Variants in RBFOX1 observed in about 807,000 individuals in gnomAD.
RBFOX1 encodes the protein RNA binding fox-1 homolog 1.
Under a neutral mutation model 57.7 loss-of-function variants are expected in RBFOX1, and 8 were observed. The observed-to-expected ratio is 0.14, with a 90% CI of 0.08 to 0.25. RBFOX1 has a LOEUF of 0.25. RBFOX1 is among the 10% of genes least tolerant of loss of function. The pLI, the probability that RBFOX1 is intolerant of heterozygous loss-of-function variation, is 1.00. For missense variants in RBFOX1, 611 were observed against 548.5 expected (o/e 1.11, Z -1.14); for synonymous variants, 326 against 222.4 (o/e 1.47, Z -4.15).
chr16:7,200,296 G>A (rs2088001496), intron 4 of RBFOX1, among the ~76,000 whole-genome samples: 1 of 152,206 alleles, frequency 6.6e-6, no homozygotes, highest in African/African-American at 2.4e-5. Context: ...GTGGAGTGGA[G>A]AAGTGAATAA....
chr16:6,729,768 GTTCAC>G (rs1243316832), intron 3 of RBFOX1, among the ~76,000 whole-genome samples: 2 of 152,114 alleles, frequency 1.3e-5, no homozygotes, highest in Admixed American at 1.3e-4. Context: ...CACACTCTGT[GTTCAC>G]TTAAGTTGAG....
intron 2 of RBFOX1, among the ~76,000 whole-genome samples, chr16:6,533,616 C>A (rs1179166392): frequency 6.6e-6 from 1 of 151,948 alleles, no homozygotes; most frequent in Non-Finnish European, 1.5e-5. Flanking sequence ...AGCACCAGTG[C>A]AATTTGAGGA....
chr16:6,791,077 T>G (rs1474365678), intron 3 of RBFOX1, among the ~76,000 whole-genome samples: 3 of 152,044 alleles, frequency 2.0e-5, no homozygotes, highest in Non-Finnish European at 4.4e-5. Context: ...TGACTAATTT[T>G]TGCATTTTTT....
chr16:6,740,167 C>T (rs2071620683), intron 3 of RBFOX1, among the ~76,000 whole-genome samples: 1 of 152,094 alleles, frequency 6.6e-6, no homozygotes, highest in Non-Finnish European at 1.5e-5. Context: ...GAAGAAAAAT[C>T]ACATGCTCAC....
At chr16:6,031,037 C>T (rs186789375) in intron 1 of RBFOX1, among the ~76,000 whole-genome samples, 2 of 152,198 alleles carry the variant, frequency 1.3e-5, no homozygotes, top group Admixed American at 6.5e-5. Context: ...TAGAATTACC[C>T]GTTATCATAA....
intron 4 of RBFOX1, among the ~76,000 whole-genome samples, chr16:5,998,381 A>C (rs982618127): frequency 6.6e-6 from 1 of 152,244 alleles, no homozygotes; most frequent in Non-Finnish European, 1.5e-5. Flanking sequence ...AAAGAAATAG[A>C]GTGAGGAATT....
chr16:7,409,428 T>C (rs1218274052), intron 4 of RBFOX1, among the ~76,000 whole-genome samples: 1 of 152,210 alleles, frequency 6.6e-6, no homozygotes, highest in Non-Finnish European at 1.5e-5. Context: ...GGTTGGAGAA[T>C]GGCATTTCTT....
intron 4 of RBFOX1, among the ~76,000 whole-genome samples, chr16:7,341,858 T>C (rs1417978070): frequency 6.8e-6 from 1 of 147,514 alleles, no homozygotes; most frequent in African/African-American, 2.5e-5. Context: ...CAGCAGGAGC[T>C]CCTGCCCCCG....
chr16:5,536,016 C>A (rs528695402), intron 2 of RBFOX1, among the ~76,000 whole-genome samples: 1 of 152,176 alleles, frequency 6.6e-6, no homozygotes, highest in Non-Finnish European at 1.5e-5. Context: ...CTTTCTCTAG[C>A]CCCCTTTCCT....
chr16:7,492,356 A>T (rs1348344539), intron 4 of RBFOX1, among the ~76,000 whole-genome samples: 1 of 151,992 alleles, frequency 6.6e-6, no homozygotes, highest in Non-Finnish European at 1.5e-5. Context: ...GAATTTAATG[A>T]TGTGGTGATT....
rs772433289 is a variant in RBFOX1 at position 5,862,823 on chromosome 16, G to T, written c.319-4480G>T. ...AAGTTATACAGGGTAGCCCCACGCT[G>T]TTCAGCATGGAAGGCACACACCACA... On this transcript the variant is annotated intron_variant, in intron 3 of 19. Coordinates refer to the RBFOX1 transcript ENST00000641259. Among the ~76,000 whole-genome samples the T allele has an allele frequency of 1.3e-5, 2 of 152,278 alleles. 1 individual carries two copies. The highest frequency in any genetic ancestry group is 6.8e-3 in the Middle Eastern group (2 of 294).
intron 2 of RBFOX1, among the ~76,000 whole-genome samples, chr16:5,508,176 T>C (rs1222756511): frequency 6.6e-6 from 1 of 152,170 alleles, no homozygotes; most frequent in East Asian, 1.9e-4. Flanking sequence ...CTGGACGTGG[T>C]TTAGCTGCAT....
intron 3 of RBFOX1, among the ~76,000 whole-genome samples, chr16:5,855,795 G>A (rs934482894): frequency 3.3e-5 from 5 of 151,856 alleles, no homozygotes; most frequent in African/African-American, 1.2e-4. Context: ...CATACTGACT[G>A]TAGATCACTT....
chr16:5,968,562 C>G (rs181967294), intron 4 of RBFOX1, among the ~76,000 whole-genome samples: 1 of 152,234 alleles, frequency 6.6e-6, no homozygotes, highest in Admixed American at 6.5e-5. Context: ...TTCTGTCAAG[C>G]TACCTGAAAA....
intron 3 of RBFOX1, among the ~76,000 whole-genome samples, chr16:5,700,057 C>T (rs1047857974): frequency 5.9e-5 from 9 of 152,136 alleles, no homozygotes; most frequent in African/African-American, 1.7e-4. Context: ...TGGTTTCGAT[C>T]TCCTGACCTC....
chr16:6,414,520 A>G (rs1417282864), intron 2 of RBFOX1, among the ~76,000 whole-genome samples: 2 of 152,228 alleles, frequency 1.3e-5, no homozygotes, highest in Admixed American at 1.3e-4. Flanking sequence ...TAAATAAACA[A>G]GATAGTTTCC....
At chr16:5,348,912 C>T (rs12598232) in intron 1 of RBFOX1, among the ~76,000 whole-genome samples, 8 of 152,234 alleles carry the variant, frequency 5.3e-5, no homozygotes, top group African/African-American at 1.7e-4. Flanking sequence ...ATCCTAATTT[C>T]GTTTCTTTTG....
intron 3 of RBFOX1, among the ~76,000 whole-genome samples, chr16:6,847,532 G>A (rs1008359951): frequency 6.6e-6 from 1 of 152,262 alleles, no homozygotes; most frequent in Middle Eastern, 3.4e-3. Flanking sequence ...ATACGCAACT[G>A]ATGGCACAGT....
At chr16:5,844,270 C>G (rs2056695815) in intron 3 of RBFOX1, among the ~76,000 whole-genome samples, 2 of 152,100 alleles carry the variant, frequency 1.3e-5, no homozygotes, top group African/African-American at 4.8e-5. Context: ...GAAACTCAGC[C>G]CACATATCAG....
Sources: gnomAD v4.1 joint callset for allele counts (sites outside exome capture counted in the v4.1 genomes callset) on GRCh38, gnomAD v4.1.1 for gene constraint, MANE v1.5 for transcripts, NCBI Gene and HGNC (gene_info 2026-07-23, HGNC 2026-07-21) for gene names.